Variants in UQCC6 observed in about 807,000 individuals in gnomAD.
UQCC6 encodes the protein ubiquinol-cytochrome c reductase complex assembly factor 6, also known as protein BRAWNIN.
At chr12:103,951,225 T>G in the UQCC6 span, 3 of 218,690 alleles carry the variant, frequency 1.4e-5, no homozygotes, top group African/African-American at 6.8e-5. Context: ...ATTTCTTAAT[T>G]TATATGAAAT....
At chr12:103,960,953 A>G in the UQCC6 span, among the ~76,000 whole-genome samples, 1 of 149,798 alleles carries the variant, frequency 6.7e-6, no homozygotes, top group South Asian at 2.1e-4. Context: ...ATTCTTTTTT[A>G]AAAAAAAAAG....
At chr12:103,957,571 A>AC in the UQCC6 span, among the ~76,000 whole-genome samples, 1 of 152,140 alleles carries the variant, frequency 6.6e-6, no homozygotes, top group African/African-American at 2.4e-5. Flanking sequence ...GAGTGAAGTT[A>AC]AAGGCACTCA....
chr12:103,955,393 T>G, the UQCC6 span, among the ~76,000 whole-genome samples: 2 of 152,126 alleles, frequency 1.3e-5, no homozygotes, highest in African/African-American at 4.8e-5. Flanking sequence ...TCCCAACACT[T>G]TCAGAGGCCA....
At chr12:103,951,397 A>C in the UQCC6 span, 51 of 524,344 alleles carry the variant, frequency 9.7e-5, no homozygotes, top group Non-Finnish European at 8.9e-5. Context: ...GTATCGGCTA[A>C]ACATCCACTG....
chr12:103,954,465 GGAGT>G, the UQCC6 span, among the ~76,000 whole-genome samples: 9 of 152,168 alleles, frequency 5.9e-5, no homozygotes, highest in African/African-American at 1.9e-4. Flanking sequence ...GGCAAGAGAG[GGAGT>G]GAGAGAGAGA....
chr12:103,961,202 G>GA, the UQCC6 span, among the ~76,000 whole-genome samples: 1 of 151,762 alleles, frequency 6.6e-6, no homozygotes, highest in African/African-American at 2.4e-5. Context: ...ATTAAAAACA[G>GA]AAAAAAGGCT....
the UQCC6 span, among the ~76,000 whole-genome samples, chr12:103,964,315 G>C: frequency 1.3e-5 from 2 of 151,916 alleles, no homozygotes; most frequent in Non-Finnish European, 2.9e-5. Flanking sequence ...ATGGGGTTTC[G>C]ACATGTTGGC....
At chr12:103,954,025 TAAGA>T in the UQCC6 span, among the ~76,000 whole-genome samples, 1 of 152,134 alleles carries the variant, frequency 6.6e-6, no homozygotes. Flanking sequence ...TCTGAAGTTG[TAAGA>T]AAGAGCTCTT....
At chr12:103,964,130 GCTTTTTTTTTTTTTT>G in the UQCC6 span, among the ~76,000 whole-genome samples, 1 of 109,280 alleles carries the variant, frequency 9.2e-6, no homozygotes, top group South Asian at 3.2e-4. Flanking sequence ...CCTCCCATAA[GCTTTTTTTTTTTTTT>G]TTTTTTTTTT....
the UQCC6 span, among the ~76,000 whole-genome samples, chr12:103,963,562 A>G: frequency 2.0e-5 from 3 of 152,140 alleles, no homozygotes; most frequent in South Asian, 6.2e-4. Flanking sequence ...CATCTTCACA[A>G]TATTTGGTCT....
chr12:103,961,896 G>GATAC, the UQCC6 span, among the ~76,000 whole-genome samples: 1 of 152,024 alleles, frequency 6.6e-6, no homozygotes, highest in Non-Finnish European at 1.5e-5. Context: ...CCTATGTTTA[G>GATAC]ATACATACTT....
the UQCC6 span, chr12:103,956,918 G>A: frequency 1.7e-6 from 1 of 573,824 alleles, no homozygotes; most frequent in South Asian, 2.1e-5. Flanking sequence ...TTTACGAGCT[G>A]AGGGCACTGA....
the UQCC6 span, among the ~76,000 whole-genome samples, chr12:103,959,257 T>A: frequency 6.6e-6 from 1 of 152,164 alleles, no homozygotes; most frequent in Non-Finnish European, 1.5e-5. Context: ...TTTTGGTTAT[T>A]TTAGGTTGAC....
chr12:103,950,828 CAAAT>C, the UQCC6 span: 1 of 152,140 alleles, frequency 6.6e-6, no homozygotes, highest in Non-Finnish European at 1.5e-5. Context: ...GACTCGGATT[CAAAT>C]CATGACTCTT....
At chr12:103,951,818 G>A in the UQCC6 span, among the ~76,000 whole-genome samples, 3 of 152,098 alleles carry the variant, frequency 2.0e-5, no homozygotes, top group Non-Finnish European at 4.4e-5. Flanking sequence ...GTTTATATGA[G>A]TCTATCATCC....
the UQCC6 span, chr12:103,956,674 C>A: frequency 2.6e-6 from 4 of 1,551,780 alleles, no homozygotes; most frequent in Non-Finnish European, 3.5e-6. Context: ...TGCCCCTGCG[C>A]ACATGGCCAG....
the UQCC6 span, among the ~76,000 whole-genome samples, chr12:103,959,559 A>C: frequency 2.4e-5 from 3 of 124,312 alleles, no homozygotes; most frequent in Non-Finnish European, 5.6e-5. Flanking sequence ...CTAAAATACA[A>C]AAATTGGCCA....
At chr12:103,958,109 G>A in the UQCC6 span, among the ~76,000 whole-genome samples, 1 of 148,146 alleles carries the variant, frequency 6.8e-6, no homozygotes, top group Admixed American at 6.8e-5. Flanking sequence ...CCAGCTACTC[G>A]GGAGGCTGAG....
the UQCC6 span, among the ~76,000 whole-genome samples, chr12:103,962,920 C>T: frequency 9.9e-5 from 15 of 152,178 alleles, no homozygotes; most frequent in Non-Finnish European, 2.1e-4. Context: ...CTGTGTCATG[C>T]ATACAACTTT....
Sources: gnomAD v4.1 joint callset for allele counts (sites outside exome capture counted in the v4.1 genomes callset) on GRCh38, gnomAD v4.1.1 for gene constraint, MANE v1.5 for transcripts, NCBI Gene and HGNC (gene_info 2026-07-23, HGNC 2026-07-21) for gene names.